Variants in LARGE1 observed in about 807,000 individuals in gnomAD.
The protein encoded by LARGE1 is LARGE xylosyl- and glucuronyltransferase 1.
Under a neutral mutation model 87.6 loss-of-function variants are expected in LARGE1, and 43 were observed. That is an observed-to-expected ratio of 0.49 (90% CI 0.38 to 0.63). The LOEUF (loss-of-function observed/expected upper bound fraction) is 0.63, where lower values mean the gene tolerates loss of function less well. Among genes scored for constraint, LARGE1 ranks in the 30% least tolerant of loss-of-function variants. The probability of loss-of-function intolerance (pLI) is 0.00; values close to 1 mark genes in which losing one functional copy is unlikely to be tolerated. For missense variants in LARGE1, 802 were observed against 1,000.2 expected (o/e 0.80, Z 2.67); for synonymous variants, 434 against 394.6 (o/e 1.10, Z -1.18).
intron 1 of LARGE1, among the ~76,000 whole-genome samples, chr22:33,853,306 C>T (rs2063664262): frequency 6.6e-6 from 1 of 152,260 alleles, no homozygotes; most frequent in Admixed American, 6.5e-5. Flanking sequence ...GAAGTAACTC[C>T]AGAATCACAG....
At chr22:33,541,273 G>C (rs1036246783) in intron 6 of LARGE1, among the ~76,000 whole-genome samples, 3 of 151,898 alleles carry the variant, frequency 2.0e-5, no homozygotes, top group Non-Finnish European at 4.4e-5. Context: ...CCGGGGCTGG[G>C]ACTTGAACAC....
At chr22:33,283,072 G>T (rs910455356) in intron 13 of LARGE1, 130 bp downstream of exon 13, 1 of 1,145,052 alleles carries the variant, frequency 8.7e-7, no homozygotes, top group Non-Finnish European at 1.3e-6. Flanking sequence ...GGAGAAAGCG[G>T]TGCTTTCCTG....
intron 3 of LARGE1, among the ~76,000 whole-genome samples, chr22:33,628,924 T>C (rs1469962902): frequency 2.0e-5 from 3 of 152,026 alleles, no homozygotes; most frequent in Non-Finnish European, 2.9e-5. Context: ...CATCCCACAA[T>C]GCACAAGACA....
At chr22:33,542,999 C>A (rs2148652225) in intron 6 of LARGE1, among the ~76,000 whole-genome samples, 1 of 152,268 alleles carries the variant, frequency 6.6e-6, no homozygotes. Flanking sequence ...CTCTAAGATC[C>A]CTTCCAGTCC....
At chr22:33,545,349 C>T (rs887117115) in intron 6 of LARGE1, among the ~76,000 whole-genome samples, 3 of 151,074 alleles carry the variant, frequency 2.0e-5, no homozygotes, top group Admixed American at 1.3e-4. Flanking sequence ...TCACTGCAGC[C>T]GCAGCCTCCT....
At position 33,273,888 on chromosome 22, in the gene LARGE1, T is replaced by C. The variant is rs1204880898; in HGVS notation, c.*539A>G. 2 of 371,142 alleles carry C rather than the reference T, an allele frequency of 5.4e-6. No individual in the cohort carries two copies. Among genetic ancestry groups the C allele is most frequent in the Non-Finnish European group, 9.6e-6 (2 of 208,558 alleles). The allele number at this position is 371,142 out of a possible 1,614,324, so 23.0% of individuals were successfully genotyped here. On this transcript the variant is annotated 3_prime_UTR_variant, in exon 15 of 15. Coordinates refer to ENST00000397394, the MANE Select transcript of LARGE1 (RefSeq NM_133642.5). Reference sequence around the variant, plus strand: ...CACCTCCAGGACCCTCTGGTTACAATGTCCCCATTGGGTTTTTCCAAGTGG... The same window carrying C: ...CACCTCCAGGACCCTCTGGTTACAACGTCCCCATTGGGTTTTTCCAAGTGG...
At chr22:33,315,607 C>G (rs1416237471) in intron 11 of LARGE1, among the ~76,000 whole-genome samples, 1 of 151,944 alleles carries the variant, frequency 6.6e-6, no homozygotes, top group Non-Finnish European at 1.5e-5. Flanking sequence ...GGATGTGACA[C>G]AGCTCACCCT....
Position 33,471,103 on chromosome 22 carries a change from C to T in LARGE1, c.788-38838G>A, listed in dbSNP as rs985011481. On this transcript the variant is annotated intron_variant, in intron 6 of 14. Transcript: ENST00000397394. ...AGTAAGGTGGCGTGATCTCTGCTCA[C>T]GGCAACCTCTGCCACCTGGGTTCAA... Among the ~76,000 whole-genome samples, 4 of 150,348 alleles carry T rather than the reference C, an allele frequency of 2.7e-5. No individual in the cohort carries two copies. The East Asian group carries it at 5.9e-4, about 22-fold the overall frequency.
chr22:33,919,706 G>T (rs2065888494), intron 1 of LARGE1, among the ~76,000 whole-genome samples: 1 of 152,352 alleles, frequency 6.6e-6, no homozygotes. Flanking sequence ...TGCGGGTATC[G>T]GTCACATGCC....
intron 9 of LARGE1, among the ~76,000 whole-genome samples, chr22:33,339,728 G>A (rs1938932237): frequency 6.6e-6 from 1 of 152,298 alleles, no homozygotes; most frequent in East Asian, 1.9e-4. Context: ...TCATAACAAA[G>A]TGCACTCTTG....
chr22:33,222,929 C>T (rs995075273), intron 11 of LARGE1, among the ~76,000 whole-genome samples: 33 of 152,232 alleles, frequency 2.2e-4, no homozygotes, highest in African/African-American at 6.7e-4. Flanking sequence ...TACAGAGTTG[C>T]AGGCCCCCCC....
chr22:33,621,168 C>T (rs1343166008), intron 4 of LARGE1, among the ~76,000 whole-genome samples: 1 of 152,126 alleles, frequency 6.6e-6, no homozygotes, highest in East Asian at 1.9e-4. Flanking sequence ...ACATGGTTTA[C>T]CATAAGAGAA....
At chr22:33,359,270 GA>G (rs916167643) in intron 9 of LARGE1, among the ~76,000 whole-genome samples, 2 of 152,122 alleles carry the variant, frequency 1.3e-5, no homozygotes, top group Non-Finnish European at 2.9e-5. Context: ...ATGTGAGTTG[GA>G]ATCTCAGCTC....
At chr22:33,837,227 ATATATATATGGAG>A (rs1256600963) in intron 1 of LARGE1, among the ~76,000 whole-genome samples, 2 of 148,884 alleles carry the variant, frequency 1.3e-5, no homozygotes, top group African/African-American at 5.0e-5. Flanking sequence ...CACTCCATAT[ATATATATATGGAG>A]TAGAGAGTAT....
intron 1 of LARGE1, among the ~76,000 whole-genome samples, chr22:33,869,074 T>G (rs932641057): frequency 6.6e-6 from 1 of 152,136 alleles, no homozygotes; most frequent in South Asian, 2.1e-4. Flanking sequence ...ACCCTTTCAT[T>G]TGAAATCCAA....
At chr22:33,538,544 C>T (rs946800828) in intron 6 of LARGE1, among the ~76,000 whole-genome samples, 2 of 152,116 alleles carry the variant, frequency 1.3e-5, no homozygotes, top group African/African-American at 4.8e-5. Context: ...AAAATGGAGC[C>T]ACATTTTTTA....
intron 1 of LARGE1, among the ~76,000 whole-genome samples, chr22:33,883,706 C>T (rs2064764291): frequency 1.3e-5 from 2 of 152,374 alleles, no homozygotes; most frequent in South Asian, 2.1e-4. Flanking sequence ...TTTGCACTGG[C>T]ATGGGCCTCG....
intron 6 of LARGE1, among the ~76,000 whole-genome samples, chr22:33,552,376 AACAG>A (rs1418466766): frequency 6.6e-5 from 10 of 152,178 alleles, no homozygotes; most frequent in Non-Finnish European, 1.5e-4. Flanking sequence ...GCTTCCAGGA[AACAG>A]ACAGTCAGTC....
At chr22:33,647,846 T>C (rs2080667998) in intron 3 of LARGE1, among the ~76,000 whole-genome samples, 1 of 152,006 alleles carries the variant, frequency 6.6e-6, no homozygotes, top group Non-Finnish European at 1.5e-5. Flanking sequence ...CAATCTCCAC[T>C]TCCTGGGTTT....
Sources: allele counts gnomAD v4.1 joint callset (sites outside exome capture counted in the v4.1 genomes callset), GRCh38; gene constraint gnomAD v4.1.1; transcripts MANE v1.5; gene names NCBI Gene and HGNC (gene_info 2026-07-23, HGNC 2026-07-21).